Variants in STAMBPL1 observed in about 807,000 individuals in gnomAD.
The protein encoded by STAMBPL1 is AMSH-like protease.
A neutral mutation model predicts 52.9 loss-of-function variants in STAMBPL1; 44 were observed. That is an observed-to-expected ratio of 0.83 (90% CI 0.65 to 1.07). The LOEUF (loss-of-function observed/expected upper bound fraction) is 1.07, where lower values mean the gene tolerates loss of function less well. STAMBPL1 is among the 50% of genes least tolerant of loss of function. The pLI is 0.00. For synonymous variants in STAMBPL1, 164 were observed against 177.3 expected (o/e 0.92, Z 0.60); for missense variants, 511 against 520.8 (o/e 0.98, Z 0.18).
intron 2 of STAMBPL1, among the ~76,000 whole-genome samples, chr10:88,904,552 T>A (rs73364851): frequency 0.054 from 8,217 of 152,266 alleles, 572 homozygotes; most frequent in African/African-American, 0.16. Context: ...GTGACTTTCA[T>A]GCTGAGAGCT....
chr10:88,903,672 TGTTGA>T, intron 2 of STAMBPL1, among the ~76,000 whole-genome samples: 1 of 152,242 alleles, frequency 6.6e-6, no homozygotes, highest in East Asian at 1.9e-4. Context: ...CTTTTGGTGC[TGTTGA>T]GTTCTATAGC....
chr10:88,910,444 G>T (rs369374161), intron 4 of STAMBPL1, among the ~76,000 whole-genome samples: 1 of 152,128 alleles, frequency 6.6e-6, no homozygotes. Flanking sequence ...ATTAGGCTTG[G>T]GGGGGTCTGT....
chr10:88,909,736 G>C (rs1161912270), intron 4 of STAMBPL1, among the ~76,000 whole-genome samples: 9 of 152,218 alleles, frequency 5.9e-5, no homozygotes, highest in Non-Finnish European at 2.9e-5. Flanking sequence ...GAGTAGCTGG[G>C]ATTACAGGCA....
At chr10:88,905,985 A>G (rs1447081182) in intron 3 of STAMBPL1, among the ~76,000 whole-genome samples, 1 of 152,168 alleles carries the variant, frequency 6.6e-6, no homozygotes, top group East Asian at 1.9e-4. Flanking sequence ...CCCGACAGAA[A>G]TGGAAGCTTT....
chr10:88,900,002 C>A (rs1181804760), intron 1 of STAMBPL1, among the ~76,000 whole-genome samples: 1 of 152,118 alleles, frequency 6.6e-6, no homozygotes, highest in African/African-American at 2.4e-5. Context: ...TTCAGTGGTG[C>A]CAAAATTGTT....
chr10:88,880,499 A>T lies in STAMBPL1; in HGVS notation c.-193A>T, dbSNP rs1352917956. On this transcript the variant is annotated 5_prime_UTR_variant, in exon 1 of 11. Coordinates refer to ENST00000371926, the MANE Select transcript of STAMBPL1 (RefSeq NM_020799.4). ...CGCCTCGTCGCCGGGTGCCGGTATC[A>T]CCCCGCTGCAACGCCTTCCAGCAAA... The T allele has an allele frequency of 6.6e-6, 1 of 152,176 alleles. No homozygotes were observed. The highest frequency in any genetic ancestry group is 1.5e-5 in the Non-Finnish European group (1 of 68,030). The allele number at this position is 152,176 out of a possible 1,614,324, so 9.4% of individuals were successfully genotyped here.
chr10:88,887,296 G>GT (rs879505442), intron 1 of STAMBPL1, among the ~76,000 whole-genome samples: 29 of 151,588 alleles, frequency 1.9e-4, no homozygotes, highest in African/African-American at 5.1e-4. Context: ...GTAGAACTTT[G>GT]TTTTTTTTCA....
At chr10:88,890,383 T>C (rs1844648535) in intron 1 of STAMBPL1, among the ~76,000 whole-genome samples, 1 of 152,160 alleles carries the variant, frequency 6.6e-6, no homozygotes, top group Non-Finnish European at 1.5e-5. Flanking sequence ...GGGAGCAAGA[T>C]AGAAACAAAT....
chr10:88,888,760 G>A (rs1416069094), intron 1 of STAMBPL1, among the ~76,000 whole-genome samples: 2 of 152,174 alleles, frequency 1.3e-5, no homozygotes, highest in East Asian at 1.9e-4. Context: ...ATTTACACAT[G>A]TAGAAATTGG....
rs552812692 is a variant in STAMBPL1 at position 88,923,368 on chromosome 10, G to T, written c.*144G>T. ...ACAAAGCTTGATATTTATTGCTGTT[G>T]CACATTTTAAAGTTTTCTTTTTGGG... On this transcript the variant is annotated 3_prime_UTR_variant, in exon 11 of 11. Coordinates refer to ENST00000371926, the MANE Select transcript of STAMBPL1 (RefSeq NM_020799.4). 706 of 1,377,282 alleles carry T rather than the reference G, an allele frequency of 5.1e-4. 4 individuals are homozygous for T. The African/African-American group carries it at 9.8e-3, about 19-fold the overall frequency. 85.3% of individuals were successfully genotyped at this position (1,377,282 alleles called of 1,614,324 possible). A position where few individuals can be genotyped will look rare whatever the true frequency, so the allele number is the denominator to read the frequency against.
intron 1 of STAMBPL1, among the ~76,000 whole-genome samples, chr10:88,889,849 C>T (rs1358054741): frequency 6.6e-6 from 1 of 152,218 alleles, no homozygotes; most frequent in East Asian, 1.9e-4. Flanking sequence ...TGGGATCATA[C>T]ATTGAATTCA....
chr10:88,910,345 T>C (rs1845189309), intron 4 of STAMBPL1, among the ~76,000 whole-genome samples: 2 of 152,130 alleles, frequency 1.3e-5, no homozygotes, highest in Non-Finnish European at 2.9e-5. Context: ...AATTCCCAGA[T>C]TTTCCTGCCA....
intron 1 of STAMBPL1, among the ~76,000 whole-genome samples, chr10:88,881,686 AT>A (rs1030300211): frequency 1.3e-5 from 2 of 152,082 alleles, no homozygotes; most frequent in Non-Finnish European, 2.9e-5. Flanking sequence ...GTTCGTGTCA[AT>A]TTTTTTGAGG....
At chr10:88,910,160 G>A (rs1224090414) in intron 4 of STAMBPL1, among the ~76,000 whole-genome samples, 1 of 152,100 alleles carries the variant, frequency 6.6e-6, no homozygotes, top group Non-Finnish European at 1.5e-5. Flanking sequence ...ATACATAAAT[G>A]AATGACAAAG....
At chr10:88,891,855 A>G (rs1437389019) in intron 1 of STAMBPL1, among the ~76,000 whole-genome samples, 3 of 152,216 alleles carry the variant, frequency 2.0e-5, no homozygotes, top group Non-Finnish European at 2.9e-5. Flanking sequence ...AGTAACATTG[A>G]ATAAATGAAT....
chr10:88,900,727 A>G (rs1424290818), intron 1 of STAMBPL1, among the ~76,000 whole-genome samples: 1 of 152,196 alleles, frequency 6.6e-6, no homozygotes, highest in African/African-American at 2.4e-5. Flanking sequence ...ACAAATTTTT[A>G]TGAAATTAAA....
chr10:88,910,202 TAG>T (rs2133189239), intron 4 of STAMBPL1, among the ~76,000 whole-genome samples: 1 of 152,316 alleles, frequency 6.6e-6, no homozygotes, highest in South Asian at 2.1e-4. Flanking sequence ...GTGAAAGAGC[TAG>T]AGTCAGGAGA....
intron 1 of STAMBPL1, among the ~76,000 whole-genome samples, chr10:88,892,877 G>A (rs1844722750): frequency 6.6e-6 from 1 of 152,142 alleles, no homozygotes; most frequent in Non-Finnish European, 1.5e-5. Flanking sequence ...TAATGCCCAA[G>A]GACTAACTAC....
chr10:88,907,874 G>A (rs1845114232), intron 3 of STAMBPL1, among the ~76,000 whole-genome samples: 1 of 152,162 alleles, frequency 6.6e-6, no homozygotes, highest in South Asian at 2.1e-4. Flanking sequence ...GAGTATATGT[G>A]TGTATGATTT....
Sources: gnomAD v4.1 joint callset for allele counts (sites outside exome capture counted in the v4.1 genomes callset) on GRCh38, gnomAD v4.1.1 for gene constraint, MANE v1.5 for transcripts, NCBI Gene and HGNC (gene_info 2026-07-23, HGNC 2026-07-21) for gene names.